RAP1GAP2: variants seen among roughly 807,000 people sequenced by gnomAD.
RAP1GAP2 encodes rap1 GTPase-activating protein 2.
RAP1GAP2 carries 27 observed loss-of-function variants against 95.0 expected under a neutral mutation model. That is an observed-to-expected ratio of 0.28 (90% confidence interval 0.21 to 0.39). The LOEUF is 0.39. Ranked by LOEUF, RAP1GAP2 falls within the 10% of genes least tolerant of loss-of-function variation. The probability of loss-of-function intolerance (pLI) is 1.00; values close to 1 mark genes in which losing one functional copy is unlikely to be tolerated. For synonymous variants in RAP1GAP2, 373 were observed against 380.9 expected (o/e 0.98, Z 0.24); for missense variants, 771 against 970.0 (o/e 0.79, Z 2.72).
intron 2 of RAP1GAP2, among the ~76,000 whole-genome samples, chr17:2,801,597 ATGTGTGTGTGTGTGTGTGTGTGTG>A (rs71150898): frequency 0.25 from 29,994 of 121,934 alleles, 3,310 homozygotes; most frequent in South Asian, 0.31. Context: ...ACTCCAGGGT[ATGTGTGTGTGTGTGTGTGTGTGTG>A]TGTGTGTGTG....
Position 2,866,929 on chromosome 17 carries a change from C to T in RAP1GAP2, c.81-38355C>T, listed in dbSNP as rs1216782901. 7.0e-6 allele frequency among the ~76,000 whole-genome samples: 1 copy of T among 143,146 alleles called. No individual in the cohort carries two copies. Among genetic ancestry groups the T allele is most frequent in the African/African-American group, 2.6e-5 (1 of 38,104 alleles). The allele number at this position is 143,146 out of a possible 152,430, so 93.9% of individuals were successfully genotyped here. A position where few individuals can be genotyped will look rare whatever the true frequency, so the allele number is the denominator to read the frequency against. On this transcript the variant is annotated intron_variant, in intron 2 of 24. Transcript: ENST00000254695. The surrounding 1 kb of genome is among the most constrained non-coding windows in gnomAD (Gnocchi z 4.0). Reference sequence around the variant, plus strand: ...TTATTTTTTATTTTAGAGATGGAGTCTCACTCTGTCACCCAGGCTGGAGTG... The same window carrying T: ...TTATTTTTTATTTTAGAGATGGAGTTTCACTCTGTCACCCAGGCTGGAGTG...
chr17:2,848,417 A>G (rs1014438956), intron 2 of RAP1GAP2, among the ~76,000 whole-genome samples: 2 of 151,480 alleles, frequency 1.3e-5, no homozygotes, highest in Non-Finnish European at 2.9e-5. Flanking sequence ...GGGGCTGGTC[A>G]TGGGTTCTGT....
In RAP1GAP2 at chr17:2,825,317, C is replaced by T. The variant is rs1005421020; in HGVS notation, c.80+24767C>T. Among the ~76,000 whole-genome samples, 1 of 152,004 alleles carries T rather than the reference C, an allele frequency of 6.6e-6. No individual in the cohort carries two copies. On this transcript the variant is annotated intron_variant, in intron 2 of 24. Transcript: ENST00000254695. This position sits in a 1 kb window ranked among gnomAD's most constrained non-coding sequence, Gnocchi z 4.1. ...GGTTGTTTTTGGCTCATGATTTGGGCAAGAGGAGGGAGAAGGGAAGAGAAG... is the reference window on the plus strand; with the variant it reads ...GGTTGTTTTTGGCTCATGATTTGGGTAAGAGGAGGGAGAAGGGAAGAGAAG...
intron 12 of RAP1GAP2, among the ~76,000 whole-genome samples, chr17:2,993,258 TA>T: frequency 6.8e-6 from 1 of 146,860 alleles, no homozygotes; most frequent in South Asian, 2.2e-4. Flanking sequence ...GTGTCAGCCC[TA>T]AAAGGTTTTG....
chr17:2,826,268 T>C (rs2070559255), intron 2 of RAP1GAP2, among the ~76,000 whole-genome samples: 1 of 149,690 alleles, frequency 6.7e-6, no homozygotes, highest in African/African-American at 2.5e-5. Flanking sequence ...GTGCTGGGAT[T>C]ACAGGCGTGA....
chr17:2,772,881 G>A (rs2068425785), upstream of RAP1GAP2, among the ~76,000 whole-genome samples: 1 of 117,952 alleles, frequency 8.5e-6, no homozygotes, highest in Non-Finnish European at 1.7e-5. Flanking sequence ...TTTTTGAGAC[G>A]GAGTTTTGCT....
intron 8 of RAP1GAP2, among the ~76,000 whole-genome samples, chr17:2,968,048 G>C (rs1215631000): frequency 6.6e-6 from 1 of 152,104 alleles, no homozygotes; most frequent in Non-Finnish European, 1.5e-5. Context: ...CTCTAAAAAA[G>C]CATAAACTAG....
At chr17:2,891,822 T>TC (rs1402523974) in intron 2 of RAP1GAP2, among the ~76,000 whole-genome samples, 1 of 111,546 alleles carries the variant, frequency 9.0e-6, no homozygotes, top group Non-Finnish European at 1.9e-5. Context: ...TTCTTTTTTT[T>TC]TTTTTTTTTT....
chr17:3,018,344 G>A (rs575518949), intron 18 of RAP1GAP2, 146 bp downstream of exon 18: 33 of 1,141,158 alleles, frequency 2.9e-5, no homozygotes, highest in African/African-American at 8.0e-5. Context: ...GGCTGCTTGG[G>A]GGTGACCCTG....
At chr17:2,862,536 C>A (rs2151622264) in intron 2 of RAP1GAP2, among the ~76,000 whole-genome samples, 1 of 151,864 alleles carries the variant, frequency 6.6e-6, no homozygotes, top group South Asian at 2.1e-4. Context: ...CAACTCCCTG[C>A]CCCTCAACAA....
intron 2 of RAP1GAP2, among the ~76,000 whole-genome samples, chr17:2,856,015 CAT>C (rs1305980966): frequency 2.6e-5 from 4 of 152,220 alleles, no homozygotes; most frequent in Admixed American, 6.5e-5. Context: ...ATGCCAGCGA[CAT>C]GTGTGTCTAG....
At position 2,870,757 on chromosome 17, in the gene RAP1GAP2, G is replaced by T. The variant is rs868730699; in HGVS notation, c.81-34527G>T. On this transcript the variant is annotated intron_variant, in intron 2 of 24. Transcript: ENST00000254695. This position sits in a 1 kb window ranked among gnomAD's most constrained non-coding sequence, Gnocchi z 4.4. The stretch of plus-strand genomic sequence containing the variant: ...TGAATTAGCCAAACAAAATAAGGGG[G>T]TTTATTGGCTGGGGTAACCCATCTG... Among the ~76,000 whole-genome samples the T allele has an allele frequency of 1.3e-5, 2 of 152,138 alleles. No homozygotes were observed. Among genetic ancestry groups the T allele is most frequent in the African/African-American group, 4.8e-5 (2 of 41,430 alleles).
At chr17:2,802,633 C>G (rs968330560) in intron 2 of RAP1GAP2, among the ~76,000 whole-genome samples, 12 of 152,102 alleles carry the variant, frequency 7.9e-5, no homozygotes, top group Non-Finnish European at 1.6e-4. Flanking sequence ...ATTGCTTGAA[C>G]CTGGGAGGTG....
intron 14 of RAP1GAP2, among the ~76,000 whole-genome samples, chr17:3,000,583 G>A (rs3894084): frequency 0.038 from 433 of 11,388 alleles, 6 homozygotes; most frequent in African/African-American, 0.076. Flanking sequence ...GGCTGAAGTG[G>A]GGCTCGTGGA....
chr17:2,757,568 A>C (rs1158414264), intron 1 of RAP1GAP2, among the ~76,000 whole-genome samples: 1 of 152,140 alleles, frequency 6.6e-6, no homozygotes, highest in Non-Finnish European at 1.5e-5. Context: ...ACATGACATC[A>C]TGGGAACTGG....
intron 2 of RAP1GAP2, among the ~76,000 whole-genome samples, chr17:2,859,268 G>A (rs2072274714): frequency 1.3e-5 from 2 of 151,138 alleles, no homozygotes; most frequent in Non-Finnish European, 2.9e-5. Flanking sequence ...CTGTCACTAC[G>A]GCCGGCTAAT....
chr17:3,033,901 A>C lies in RAP1GAP2; in HGVS notation c.*540A>C, dbSNP rs2047401998. ...TAGCATCCTTGAGGCCATCCTGATA[A>C]AATTCGGCGCTATTGCCCCCGTAGC... is the stretch of plus-strand genomic sequence containing the variant. On this transcript the variant is annotated 3_prime_UTR_variant, in exon 25 of 25. Transcript: ENST00000254695. This position sits in a 1 kb window ranked among gnomAD's most constrained non-coding sequence, Gnocchi z 4.9. The C allele has an allele frequency of 6.6e-6, 1 of 152,242 alleles. No homozygotes were observed. Among genetic ancestry groups the C allele is most frequent in the African/African-American group, 2.4e-5 (1 of 41,436 alleles). 9.4% of individuals were successfully genotyped at this position (152,242 alleles called of 1,614,324 possible).
At chr17:2,783,321 G>T (rs2068700976) in intron 1 of RAP1GAP2, among the ~76,000 whole-genome samples, 1 of 152,160 alleles carries the variant, frequency 6.6e-6, no homozygotes, top group Admixed American at 6.5e-5. Context: ...CCTGCATAAA[G>T]GTAGCCCTCA....
At chr17:2,888,515 G>A (rs1044070692) in intron 2 of RAP1GAP2, among the ~76,000 whole-genome samples, 2 of 152,134 alleles carry the variant, frequency 1.3e-5, no homozygotes, top group African/African-American at 2.4e-5. Flanking sequence ...AGAACCCACA[G>A]TGTGTGTGTT....
Sources: gnomAD v4.1 joint callset for allele counts (sites outside exome capture counted in the v4.1 genomes callset) on GRCh38, gnomAD v4.1.1 for gene constraint, Gnocchi (gnomAD v3.1) non-coding constraint, MANE v1.5 for transcripts, NCBI Gene and HGNC (gene_info 2026-07-23, HGNC 2026-07-21) for gene names.